Variants in TMEM116 observed in about 807,000 individuals in gnomAD.
TMEM116 encodes the protein transmembrane protein 116.
Under a neutral mutation model 44.3 loss-of-function variants are expected in TMEM116, and 38 were observed. That is an observed-to-expected ratio of 0.86 (90% confidence interval 0.66 to 1.12). The LOEUF (loss-of-function observed/expected upper bound fraction) is 1.12, where lower values mean the gene tolerates loss of function less well. TMEM116 is among the 50% of genes most tolerant of loss of function. The pLI is 0.00. For missense variants in TMEM116, 354 were observed against 401.7 expected (o/e 0.88, Z 1.01); for synonymous variants, 132 against 144.8 (o/e 0.91, Z 0.64).
At position 111,931,470 on chromosome 12, in the gene TMEM116, T is replaced by C. The variant is rs2071634717; in HGVS notation, c.*151A>G. ...ACTGGAGAGATACTCCCAATTCATC[T>C]AGAATGACTACTAACAATGGCACTA... On this transcript the variant is annotated 3_prime_UTR_variant, in exon 11 of 11. Transcript: ENST00000552374. The C allele has an allele frequency of 1.4e-6, 1 of 694,134 alleles. No homozygotes were observed. Among genetic ancestry groups the C allele is most frequent in the South Asian group, 1.9e-5 (1 of 53,690 alleles). The allele number at this position is 694,134 out of a possible 1,614,324, so 43.0% of individuals were successfully genotyped here.
intron 4 of TMEM116, among the ~76,000 whole-genome samples, chr12:111,943,962 G>T (rs1185166022): frequency 3.3e-5 from 5 of 152,096 alleles, no homozygotes; most frequent in African/African-American, 1.2e-4. Context: ...CTTTTACGAA[G>T]ATATCATATA....
At position 111,936,677 on chromosome 12, in the gene TMEM116, A is replaced by G. The variant is rs763656845; in HGVS notation, c.588+15T>C. 4 of 1,610,482 alleles carry G rather than the reference A, an allele frequency of 2.5e-6. No individual in the cohort carries two copies. In the Admixed American group the frequency reaches 6.8e-5, roughly 27 times the overall value. Reference sequence around the variant, plus strand: ...TCCTCATCTCTCCACAAAGGAAGGTAGGGTGGTACCATACCATAATGGTAA... The same window carrying G: ...TCCTCATCTCTCCACAAAGGAAGGTGGGGTGGTACCATACCATAATGGTAA... On this transcript the variant is annotated intron_variant, in intron 8 of 10. Transcript: ENST00000552374.
At chr12:112,002,842 C>T (rs2077342675) in intron 3 of TMEM116, among the ~76,000 whole-genome samples, 1 of 152,158 alleles carries the variant, frequency 6.6e-6, no homozygotes, top group Non-Finnish European at 1.5e-5. Flanking sequence ...CATATAAAAG[C>T]TCTCCCATAC....
intron 1 of TMEM116, 81 bp from the exon 2 acceptor site, chr12:112,005,384 A>G: frequency 9.9e-7 from 1 of 1,006,856 alleles, no homozygotes; most frequent in Non-Finnish European, 1.3e-6. Flanking sequence ...AACTATCTGT[A>G]CAGCATGAAT....
Position 111,993,270 on chromosome 12 carries a change from G to T in TMEM116, c.79-1381C>A, listed in dbSNP as rs1039078908. On this transcript the variant is annotated intron_variant, in intron 3 of 10. Coordinates refer to ENST00000552374, the MANE Select transcript of TMEM116 (RefSeq NM_001193531.2). ...GGGTTTAGTGAAATGCTGTATGCAG[G>T]TGGACCCCCAAAAGTAGAAGGGCAT... 18 of 457,128 alleles carry T rather than the reference G, an allele frequency of 3.9e-5. No individual in the cohort carries two copies. In the Admixed American group the frequency reaches 4.4e-4, roughly 11 times the overall value. The allele number at this position is 457,128 out of a possible 1,614,324, so 28.3% of individuals were successfully genotyped here.
At chr12:111,993,898 T>C in intron 3 of TMEM116, 1 of 726,288 alleles carries the variant, frequency 1.4e-6, no homozygotes, top group Non-Finnish European at 2.6e-6. Flanking sequence ...GAGACTTGGA[T>C]TTAAAGGTGT....
chr12:111,940,519 A>ATGTG (rs1162947796), intron 5 of TMEM116, among the ~76,000 whole-genome samples: 167 of 110,642 alleles, frequency 1.5e-3, no homozygotes, highest in African/African-American at 6.7e-3. Context: ...ACACATATAT[A>ATGTG]TGTGTATATA....
intron 3 of TMEM116, chr12:111,993,211 G>T: frequency 2.5e-6 from 1 of 400,540 alleles, no homozygotes; most frequent in Non-Finnish European, 5.1e-6. Flanking sequence ...GGGGTCTTAG[G>T]TTGTGGTCTG....
chr12:111,959,583 T>C (rs2074422774), intron 4 of TMEM116, among the ~76,000 whole-genome samples: 1 of 152,164 alleles, frequency 6.6e-6, no homozygotes. Context: ...CCCATTGGTG[T>C]ACTGTATTCA....
intron 4 of TMEM116, among the ~76,000 whole-genome samples, chr12:111,981,237 C>G (rs1048257466): frequency 6.6e-6 from 1 of 152,006 alleles, no homozygotes; most frequent in Admixed American, 6.5e-5. Flanking sequence ...GGATAAAAAC[C>G]AGTCAAAACC....
chr12:111,979,921 C>A (rs1189812349), intron 4 of TMEM116, among the ~76,000 whole-genome samples: 2 of 152,176 alleles, frequency 1.3e-5, no homozygotes, highest in African/African-American at 4.8e-5. Flanking sequence ...ATCCAAAACA[C>A]TGAAACCAAG....
intron 4 of TMEM116, among the ~76,000 whole-genome samples, chr12:111,986,160 A>G (rs939053154): frequency 2.6e-5 from 4 of 151,616 alleles, no homozygotes; most frequent in African/African-American, 9.7e-5. Flanking sequence ...GTTTGAGACC[A>G]GCCTGAGCAA....
intron 3 of TMEM116, chr12:111,993,736 T>C (rs1438720951): frequency 6.0e-6 from 4 of 669,718 alleles, no homozygotes; most frequent in South Asian, 5.7e-5. Flanking sequence ...TCGGAAGCCC[T>C]GTGGTGAATG....
At chr12:111,950,777 G>T (rs1226296535) in intron 4 of TMEM116, among the ~76,000 whole-genome samples, 2 of 152,096 alleles carry the variant, frequency 1.3e-5, no homozygotes, top group Non-Finnish European at 1.5e-5. Flanking sequence ...AACAGACAAA[G>T]ATTTCATGAC....
At chr12:111,982,628 T>C (rs537521199) in intron 4 of TMEM116, among the ~76,000 whole-genome samples, 21 of 151,878 alleles carry the variant, frequency 1.4e-4, no homozygotes, top group Non-Finnish European at 2.4e-4. Context: ...TTTGTCAATA[T>C]AGAAAATCAA....
At chr12:111,988,681 G>A (rs1262766904) in intron 4 of TMEM116, among the ~76,000 whole-genome samples, 1 of 137,286 alleles carries the variant, frequency 7.3e-6, no homozygotes, top group Non-Finnish European at 1.5e-5. Context: ...CCTGGTGACA[G>A]AGTGAGACTC....
At chr12:111,968,992 C>CAAA (rs1176204219) in intron 4 of TMEM116, among the ~76,000 whole-genome samples, 10 of 45,148 alleles carry the variant, frequency 2.2e-4, no homozygotes, top group South Asian at 1.4e-3. Context: ...GACTCTATCT[C>CAAA]AAAAAAAAAA....
intron 4 of TMEM116, among the ~76,000 whole-genome samples, chr12:111,977,460 TTTATG>T (rs1374846970): frequency 6.6e-6 from 1 of 152,180 alleles, no homozygotes; most frequent in Non-Finnish European, 1.5e-5. Context: ...AACGGTTAGT[TTTATG>T]TTATGTGAAT....
At chr12:111,990,103 A>G (rs1681175650) in intron 4 of TMEM116, among the ~76,000 whole-genome samples, 1 of 152,034 alleles carries the variant, frequency 6.6e-6, no homozygotes, top group African/African-American at 2.4e-5. Flanking sequence ...AAAATACAAA[A>G]AATTAGCCAG....
Sources: allele counts gnomAD v4.1 joint callset (sites outside exome capture counted in the v4.1 genomes callset), GRCh38; gene constraint gnomAD v4.1.1; transcripts MANE v1.5; gene names NCBI Gene and HGNC (gene_info 2026-07-23, HGNC 2026-07-21).